Variants in SNX25 observed in about 807,000 individuals in gnomAD.
SNX25 encodes sorting nexin 25, also known as sorting nexin-25.
SNX25 carries 62 observed loss-of-function variants against 113.7 expected under a neutral mutation model. The ratio of observed to expected loss-of-function variants is 0.55; its 90% CI spans 0.44 to 0.67. The LOEUF (loss-of-function observed/expected upper bound fraction) is 0.67. Among genes scored for constraint, SNX25 ranks in the 30% least tolerant of loss-of-function variants. SNX25 has a pLI of 0.00. For synonymous variants in SNX25, 421 were observed against 436.2 expected, an observed-to-expected ratio of 0.97 and a Z score of 0.43; for missense variants, 1,014 against 1,161.0, an observed-to-expected ratio of 0.87 and a Z score of 1.84.
At chr4:185,260,173 A>G (rs1298644723) in intron 3 of SNX25, among the ~76,000 whole-genome samples, 3 of 152,166 alleles carry the variant, frequency 2.0e-5, no homozygotes, top group Admixed American at 2.0e-4. Context: ...GACCAACTCA[A>G]TTTTATTTTC....
At position 185,277,771 on chromosome 4, in the gene SNX25, C is replaced by T. The variant is rs1456974840; in HGVS notation, c.1092-10241C>T. 6.7e-5 allele frequency among the ~76,000 whole-genome samples: 2 copies of T among 29,716 alleles called. 1 individual carries two copies. The highest frequency in any genetic ancestry group is 1.2e-4 in the Non-Finnish European group (2 of 17,036). The allele number at this position is 29,716 out of a possible 152,430, so 19.5% of individuals were successfully genotyped here. A position where few individuals can be genotyped will look rare whatever the true frequency, so the allele number is the denominator to read the frequency against. ...TTTTTGAGACGGAGTCTCGCTCTGT[C>T]GCCCAGGCTGGAGTGCAGTGGCGGG... On this transcript the variant is annotated intron_variant, in intron 5 of 18. Transcript: ENST00000652585.
chr4:185,264,465 G>A lies in SNX25; in HGVS notation c.759G>A (p.Val253=). 1 of 1,613,318 alleles carries A rather than the reference G, an allele frequency of 6.2e-7. No individual in the cohort carries two copies. ...ATGAAGAACAGCCAAGACCTTTTGTGTTGCACGCATGCTTGAGGAACTCAG... is the reference window on the plus strand; with the variant it reads ...ATGAAGAACAGCCAAGACCTTTTGTATTGCACGCATGCTTGAGGAACTCAG... ...ARHEEQPRPF[V]LHACLRNSDD... The change falls in exon 4 of 19, where the codon GTG becomes GTA. Residue 253 remains valine (V), a synonymous_variant. Transcript: ENST00000652585.
intron 9 of SNX25, among the ~76,000 whole-genome samples, chr4:185,329,409 G>A (rs2095178491): frequency 6.6e-6 from 1 of 152,056 alleles, no homozygotes; most frequent in African/African-American, 2.4e-5. Flanking sequence ...TTTGTTCCAG[G>A]CATCCCCAGA....
rs1387234210 is a variant in SNX25 at position 185,284,314 on chromosome 4, G to A, written c.1092-3698G>A. ...ATTTTCTTTGTTCACAGCATTCTTT[G>A]TGGAAGTGTGACTCTTTAAAACAGC... On this transcript the variant is annotated intron_variant, in intron 5 of 18. Transcript: ENST00000652585. Among the ~76,000 whole-genome samples, 2 of 152,166 alleles carry A rather than the reference G, an allele frequency of 1.3e-5. 1 individual carries two copies. The highest frequency in any genetic ancestry group is 1.3e-4 in the Admixed American group (2 of 15,274).
chr4:185,248,479 C>CT (rs1745167108), intron 2 of SNX25, among the ~76,000 whole-genome samples: 1 of 152,052 alleles, frequency 6.6e-6, no homozygotes, highest in South Asian at 2.1e-4. Flanking sequence ...TGGTGAAACT[C>CT]TGTCTCTGCA....
chr4:185,292,065 G>A (rs562800412), intron 6 of SNX25, among the ~76,000 whole-genome samples: 1 of 152,136 alleles, frequency 6.6e-6, no homozygotes, highest in Middle Eastern at 3.4e-3. Context: ...GTTAATTCTG[G>A]TATCACTATT....
chr4:185,231,101 T>C (rs59132352), intron 1 of SNX25, among the ~76,000 whole-genome samples: 12 of 94,020 alleles, frequency 1.3e-4, no homozygotes, highest in East Asian at 4.1e-4. Flanking sequence ...TCCTTTTTTT[T>C]GTTTTTTTTT....
chr4:185,300,490 T>C (rs1179493693), intron 6 of SNX25, among the ~76,000 whole-genome samples: 1 of 151,874 alleles, frequency 6.6e-6, no homozygotes, highest in East Asian at 1.9e-4. Flanking sequence ...TTTAATGATG[T>C]TATGTAGCTT....
Position 185,258,981 on chromosome 4 carries a change from C to G in SNX25, c.648C>G (p.His216Gln), listed in dbSNP as rs761483173. The G allele has an allele frequency of 1.2e-6, 2 of 1,614,106 alleles. No homozygotes were observed. Among genetic ancestry groups the G allele is most frequent in the Admixed American group, 1.7e-5 (1 of 60,010 alleles). ...IARQLHHRLS[H>Q]VDVVKVVCND... is the part of the protein sequence containing the mutation. Reference sequence around the variant, plus strand: ...GACAGCTGCACCACAGACTGAGTCACGTGGATGTGGTTAAAGTTGTCTGCA... The same window carrying G: ...GACAGCTGCACCACAGACTGAGTCAGGTGGATGTGGTTAAAGTTGTCTGCA... Residue 216 changes from histidine to glutamine, a missense_variant, in exon 3 of 19, where the codon CAC becomes CAG. Coordinates refer to ENST00000652585, the MANE Select transcript of SNX25 (RefSeq NM_001378034.2).
intron 13 of SNX25, among the ~76,000 whole-genome samples, chr4:185,349,593 G>A (rs993893033): frequency 1.3e-5 from 2 of 152,084 alleles, no homozygotes; most frequent in African/African-American, 4.8e-5. Context: ...TTTGTCTGGT[G>A]TGAGATGGTA....
chr4:185,239,843 C>G (rs1331543513), intron 1 of SNX25, among the ~76,000 whole-genome samples: 1 of 141,258 alleles, frequency 7.1e-6, no homozygotes, highest in Admixed American at 7.3e-5. Flanking sequence ...GGTCACAGGA[C>G]AATAGTGGAG....
At chr4:185,265,721 T>C (rs1054708317) in intron 4 of SNX25, among the ~76,000 whole-genome samples, 5 of 152,372 alleles carry the variant, frequency 3.3e-5, no homozygotes, top group African/African-American at 1.2e-4. Context: ...TCTTTTGTAA[T>C]AACATTTATC....
rs572351834 is a variant in SNX25, at chr4:185,255,335, C to T, written c.515-3513C>T. Among the ~76,000 whole-genome samples the T allele has an allele frequency of 2.0e-5, 3 of 152,060 alleles. No homozygotes were observed. The South Asian group carries it at 6.2e-4, about 32-fold the overall frequency. On this transcript the variant is annotated intron_variant, in intron 2 of 18. Coordinates refer to ENST00000652585, the MANE Select transcript of SNX25 (RefSeq NM_001378034.2). ...TTTTAGTAAAGACAGGGTTTCACCA[C>T]GTTGGCCAGGCTGGTCTGGAACTCC...
intron 1 of SNX25, among the ~76,000 whole-genome samples, chr4:185,234,649 T>C: frequency 6.0e-5 from 1 of 16,570 alleles, no homozygotes; most frequent in Admixed American, 7.6e-4. Flanking sequence ...GCCACTGCAC[T>C]CCAGCCTGGG....
chr4:185,332,356 G>C (rs1174791026), intron 9 of SNX25, among the ~76,000 whole-genome samples: 1 of 152,076 alleles, frequency 6.6e-6, no homozygotes, highest in Non-Finnish European at 1.5e-5. Flanking sequence ...TAATGGCATG[G>C]GATTTCCCCT....
intron 5 of SNX25, among the ~76,000 whole-genome samples, chr4:185,280,772 T>G (rs1750450724): frequency 6.6e-6 from 1 of 152,226 alleles, no homozygotes; most frequent in Non-Finnish European, 1.5e-5. Flanking sequence ...CAGTTCCTGT[T>G]TGGAATTATG....
At chr4:185,256,561 A>T (rs1290770848) in intron 2 of SNX25, among the ~76,000 whole-genome samples, 1 of 151,778 alleles carries the variant, frequency 6.6e-6, no homozygotes, top group Non-Finnish European at 1.5e-5. Context: ...CAGTTTTCTA[A>T]GAAAAATGAC....
At chr4:185,355,731 T>C (rs2095335942) in intron 15 of SNX25, among the ~76,000 whole-genome samples, 1 of 152,252 alleles carries the variant, frequency 6.6e-6, no homozygotes, top group Non-Finnish European at 1.5e-5. Context: ...GATGTTTAAC[T>C]TGATTCAATA....
chr4:185,266,644 G>A (rs1190506706), intron 4 of SNX25, among the ~76,000 whole-genome samples: 1 of 152,116 alleles, frequency 6.6e-6, no homozygotes, highest in Admixed American at 6.5e-5. Context: ...TTACAGGTGT[G>A]AGCCACCACG....
Sources: gnomAD v4.1 joint callset for allele counts (sites outside exome capture counted in the v4.1 genomes callset) on GRCh38, gnomAD v4.1.1 for gene constraint, MANE v1.5 for transcripts, NCBI Gene and HGNC (gene_info 2026-07-23, HGNC 2026-07-21) for gene names.